The following FXN variants were observed in gnomAD, a reference collection of about 807,000 sequenced individuals.
FXN encodes frataxin, also known as frataxin, mitochondrial.
FXN carries 14 observed loss-of-function variants against 22.4 expected under a neutral mutation model. That is an observed-to-expected ratio of 0.62 (90% confidence interval 0.41 to 0.98). The LOEUF (loss-of-function observed/expected upper bound fraction) is 0.98. Among genes scored for constraint, FXN ranks in the 50% least tolerant of loss-of-function variants. The pLI is 0.00. For missense variants in FXN, 267 were observed against 268.4 expected, an observed-to-expected ratio of 0.99 and a Z score of 0.04; for synonymous variants, 120 against 114.1, an observed-to-expected ratio of 1.05 and a Z score of -0.33.
chr9:69,077,468 C>G lies in FXN; in HGVS notation c.*4706C>G, dbSNP rs931975563. ...TTATTTAGACAGTTGAGGAAAACAT[C>G]AGCACCCAGCAGTAAAATTGGCTCT... On this transcript the variant is annotated 3_prime_UTR_variant, in exon 5 of 5. Transcript: ENST00000484259. 2.0e-6 allele frequency: 2 copies of G among 985,306 alleles called. No homozygotes were observed. Among genetic ancestry groups the G allele is most frequent in the Non-Finnish European group, 2.4e-6 (2 of 829,938 alleles). 61.0% of individuals were successfully genotyped at this position (985,306 alleles called of 1,614,324 possible).
chr9:69,036,562 A>T (rs1299237100), intron 1 of FXN, among the ~76,000 whole-genome samples: 1 of 152,034 alleles, frequency 6.6e-6, no homozygotes, highest in Non-Finnish European at 1.5e-5. Flanking sequence ...ATTCTGCCCC[A>T]CTCCGCAGAG....
intron 2 of FXN, among the ~76,000 whole-genome samples, chr9:69,049,580 A>G (rs1449426937): frequency 2.6e-5 from 4 of 152,212 alleles, no homozygotes; most frequent in Non-Finnish European, 5.9e-5. Context: ...ACCTACAGAT[A>G]TTAATATATC....
chr9:69,074,393 G>C lies in FXN; in HGVS notation c.*1631G>C, dbSNP rs1161214295. The stretch of plus-strand genomic sequence containing the variant: ...TAAAGAAGGATTTATTAGTGGCTGG[G>C]CATGGTGGCGTGCACCTGTAATCCC... On this transcript the variant is annotated 3_prime_UTR_variant, in exon 5 of 5. Transcript: ENST00000484259. 6.1e-6 allele frequency: 6 copies of C among 984,798 alleles called. No homozygotes were observed. The highest frequency in any genetic ancestry group is 7.2e-6 in the Non-Finnish European group (6 of 829,500). 61.0% of individuals were successfully genotyped at this position (984,798 alleles called of 1,614,324 possible).
rs1832364111 is a variant in FXN at position 69,076,196 on chromosome 9, A to G, written c.*3434A>G. 1.0e-6 allele frequency: 1 copy of G among 980,372 alleles called. No homozygotes were observed. Among genetic ancestry groups the G allele is most frequent in the Non-Finnish European group, 1.2e-6 (1 of 828,582 alleles). The allele number at this position is 980,372 out of a possible 1,614,324, so 60.7% of individuals were successfully genotyped here. A position where few individuals can be genotyped will look rare whatever the true frequency, so the allele number is the denominator to read the frequency against. On this transcript the variant is annotated 3_prime_UTR_variant, in exon 5 of 5. Coordinates refer to ENST00000484259, the MANE Select transcript of FXN (RefSeq NM_000144.5). The stretch of plus-strand genomic sequence containing the variant: ...GAAACTCTGCCTCTTACTTGTTTGT[A>G]GACACTGACAGTGGCCTCATGTTTT...
At chr9:69,070,704 G>C (rs540404335) in intron 4 of FXN, among the ~76,000 whole-genome samples, 1 of 151,836 alleles carries the variant, frequency 6.6e-6, no homozygotes, top group African/African-American at 2.4e-5. Flanking sequence ...TTCAAATAAA[G>C]GTTGTTTAAT....
Position 69,064,928 on chromosome 9 carries a change from A to G in FXN, c.385-10A>G, listed in dbSNP as rs1268552187. 4 of 1,559,220 alleles carry G rather than the reference A, an allele frequency of 2.6e-6. No homozygotes were observed. The highest frequency in any genetic ancestry group is 2.7e-6 in the Non-Finnish European group (3 of 1,129,986). The stretch of plus-strand genomic sequence containing the variant: ...ATTTCTTTATGCTTTTTTTCCACCT[A>G]ATCCCCTAGAGTGGTGTCTTAACTG... On this transcript the variant is annotated splice_polypyrimidine_tract_variant and intron_variant, in intron 3 of 4. Coordinates refer to ENST00000484259, the MANE Select transcript of FXN (RefSeq NM_000144.5).
At position 69,037,369 on chromosome 9, in the gene FXN, G is replaced by C. The variant is rs192442203; in HGVS notation, c.165+1422G>C. Reference sequence around the variant, plus strand: ...TAATCCCAGCTACTCCAGAGGCTGCGGCAGGAGAATCGCTTGAGCCCGGGA... The same window carrying C: ...TAATCCCAGCTACTCCAGAGGCTGCCGCAGGAGAATCGCTTGAGCCCGGGA... On this transcript the variant is annotated intron_variant, in intron 1 of 4. Coordinates refer to ENST00000484259, the MANE Select transcript of FXN (RefSeq NM_000144.5). 2.5e-3 allele frequency among the ~76,000 whole-genome samples: 381 copies of C among 151,950 alleles called. 1 individual carries two copies. The highest frequency in any genetic ancestry group is 8.5e-3 in the African/African-American group (351 of 41,470).
At position 69,073,235 on chromosome 9, in the gene FXN, C is replaced by G. The variant is rs1176171730; in HGVS notation, c.*473C>G. ...GTAGCCTACAAATGTTTTCAGGCTT[C>G]TTTCAAAGTGTAAGCACTTCTGAGC... is the stretch of plus-strand genomic sequence containing the variant. On this transcript the variant is annotated 3_prime_UTR_variant, in exon 5 of 5. Coordinates refer to ENST00000484259, the MANE Select transcript of FXN (RefSeq NM_000144.5). 9.7e-7 allele frequency: 1 copy of G among 1,033,168 alleles called. No individual in the cohort carries two copies. Among genetic ancestry groups the G allele is most frequent in the African/African-American group, 1.7e-5 (1 of 58,076 alleles). The allele number at this position is 1,033,168 out of a possible 1,614,324, so 64.0% of individuals were successfully genotyped here.
intron 1 of FXN, among the ~76,000 whole-genome samples, chr9:69,042,681 TATTAA>T (rs1384556785): frequency 6.6e-6 from 1 of 151,508 alleles, no homozygotes; most frequent in African/African-American, 2.4e-5. Context: ...ATCAAATCTC[TATTAA>T]ATTAAACACA....
In FXN at chr9:69,076,674, A is replaced by G. The variant is rs1356193414; in HGVS notation, c.*3912A>G. Reference sequence around the variant, plus strand: ...GTTCATAGTGATGGAGTTTGTGTGGACTAACCATGCAAGGTTGCCAAGGAA... The same window carrying G: ...GTTCATAGTGATGGAGTTTGTGTGGGCTAACCATGCAAGGTTGCCAAGGAA... On this transcript the variant is annotated 3_prime_UTR_variant, in exon 5 of 5. Transcript: ENST00000484259. 7.1e-6 allele frequency: 7 copies of G among 985,328 alleles called. No individual in the cohort carries two copies. Among genetic ancestry groups the G allele is most frequent in the Middle Eastern group, 5.2e-4 (1 of 1,936 alleles). 61.0% of individuals were successfully genotyped at this position (985,328 alleles called of 1,614,324 possible).
At chr9:69,054,641 G>T (rs1831921822) in intron 3 of FXN, among the ~76,000 whole-genome samples, 1 of 152,062 alleles carries the variant, frequency 6.6e-6, no homozygotes, top group Non-Finnish European at 1.5e-5. Context: ...CAAGTAGCTG[G>T]AATTATAGGC....
chr9:69,046,446 T>C lies in FXN; in HGVS notation c.227T>C (p.Met76Thr), dbSNP rs1273772459. ...WNVKKQSVYL[M>T]NLRKSGTLGH... ...GTCAAAAAGCAGAGTGTCTATTTGATGAATTTGAGGAAATCTGGAACTTTG... is the reference window on the plus strand; with the variant it reads ...GTCAAAAAGCAGAGTGTCTATTTGACGAATTTGAGGAAATCTGGAACTTTG... Residue 76 changes from methionine to threonine, a missense_variant, in exon 2 of 5, where the codon ATG (methionine) becomes ACG (threonine). Met to Thr is a moderately conservative substitution (Grantham distance 81). Coordinates refer to ENST00000484259, the MANE Select transcript of FXN (RefSeq NM_000144.5). 3 of 1,613,986 alleles carry C rather than the reference T, an allele frequency of 1.9e-6. No homozygotes were observed. The highest frequency in any genetic ancestry group is 2.5e-6 in the Non-Finnish European group (3 of 1,180,000).
At chr9:69,046,328 TTAATGGGTTA>T in intron 1 of FXN, 47 bp from the exon 2 acceptor site, 2 of 1,283,716 alleles carry the variant, frequency 1.6e-6, no homozygotes, top group Admixed American at 3.4e-5. Context: ...AAATTATGCA[TTAATGGGTTA>T]TAATTCACTG....
chr9:69,039,539 G>A (rs1831618516), intron 1 of FXN, among the ~76,000 whole-genome samples: 1 of 152,188 alleles, frequency 6.6e-6, no homozygotes, highest in South Asian at 2.1e-4. Flanking sequence ...AGGCTGGGAA[G>A]GACTCTGATT....
At position 69,073,777 on chromosome 9, in the gene FXN, T is replaced by C; in HGVS notation, c.*1015T>C. On this transcript the variant is annotated 3_prime_UTR_variant, in exon 5 of 5. Coordinates refer to ENST00000484259, the MANE Select transcript of FXN (RefSeq NM_000144.5). ...GTCAAGCAACCTAACAGGCTAGTTCTAATTCCCTATTGGGTAGATGAGGGG... is the reference window on the plus strand; with the variant it reads ...GTCAAGCAACCTAACAGGCTAGTTCCAATTCCCTATTGGGTAGATGAGGGG... The C allele has an allele frequency of 1.0e-6, 1 of 985,440 alleles. No homozygotes were observed. The highest frequency in any genetic ancestry group is 1.2e-6 in the Non-Finnish European group (1 of 829,930). 61.0% of individuals were successfully genotyped at this position (985,440 alleles called of 1,614,324 possible).
At chr9:69,070,050 G>A (rs943414353) in intron 4 of FXN, among the ~76,000 whole-genome samples, 3 of 152,092 alleles carry the variant, frequency 2.0e-5, no homozygotes, top group African/African-American at 7.2e-5. Flanking sequence ...GCAACATGGT[G>A]AAACCCCGTC....
At chr9:69,059,778 C>T (rs1343429121) in intron 3 of FXN, among the ~76,000 whole-genome samples, 1 of 152,066 alleles carries the variant, frequency 6.6e-6, no homozygotes, top group Non-Finnish European at 1.5e-5. Context: ...ATTTTCTTTC[C>T]AAGAGTCCTT....
At position 69,054,071 on chromosome 9, in the gene FXN, C is replaced by G. The variant is rs1004827253; in HGVS notation, c.384+811C>G. ...CCAGGCTGGAGTGCAGTGGCGCAAT[C>G]TCGGCTCACTGCTCCGCTTCCTGGG... On this transcript the variant is annotated intron_variant, in intron 3 of 4. Coordinates refer to ENST00000484259, the MANE Select transcript of FXN (RefSeq NM_000144.5). 2.9e-4 allele frequency among the ~76,000 whole-genome samples: 44 copies of G among 152,130 alleles called. 1 individual carries two copies. Among genetic ancestry groups the G allele is most frequent in the Admixed American group, 2.7e-3 (42 of 15,274 alleles).
At chr9:69,036,126 C>G (rs547554223) in intron 1 of FXN, 179 bp downstream of exon 1, 31 of 392,510 alleles carry the variant, frequency 7.9e-5, no homozygotes, top group African/African-American at 5.9e-4. Flanking sequence ...TTCTCTGGTT[C>G]TCCCGGTTGC....
Sources: gnomAD v4.1 joint callset for allele counts (sites outside exome capture counted in the v4.1 genomes callset) on GRCh38, gnomAD v4.1.1 for gene constraint, MANE v1.5 for transcripts, NCBI Gene and HGNC (gene_info 2026-07-23, HGNC 2026-07-21) for gene names.